The following ADGRG6 variants were observed in gnomAD, a reference collection of about 807,000 sequenced individuals.
ADGRG6 encodes G-protein coupled receptor 126.
In ADGRG6, 84 loss-of-function variants were observed where a neutral mutation model predicts 142.4. That is an observed-to-expected ratio of 0.59 (90% CI 0.49 to 0.71). The LOEUF is 0.71. ADGRG6 is among the 30% of genes least tolerant of loss of function. The probability of loss-of-function intolerance (pLI) is 0.00; values close to 1 mark genes in which losing one functional copy is unlikely to be tolerated. For missense variants in ADGRG6, 1,367 were observed against 1,466.6 expected, an observed-to-expected ratio of 0.93 and a Z score of 1.11; for synonymous variants, 521 against 520.5, an observed-to-expected ratio of 1.00 and a Z score of -0.01.
chr6:142,320,245 A>C (rs1211822090), intron 2 of ADGRG6, among the ~76,000 whole-genome samples: 1 of 152,076 alleles, frequency 6.6e-6, no homozygotes, highest in Non-Finnish European at 1.5e-5. Flanking sequence ...TAAAAGCAGA[A>C]AATATATTGT....
At chr6:142,403,683 A>C (rs1363397493) in intron 13 of ADGRG6, 119 bp from the exon 14 acceptor site, 1 of 632,090 alleles carries the variant, frequency 1.6e-6, no homozygotes, top group Non-Finnish European at 2.6e-6. Flanking sequence ...TCATGTTAAG[A>C]TCAGAAAATC....
At chr6:142,442,928 C>T (rs1269394929) in intron 24 of ADGRG6, among the ~76,000 whole-genome samples, 1 of 152,098 alleles carries the variant, frequency 6.6e-6, no homozygotes, top group African/African-American at 2.4e-5. Context: ...CCATTTTTCC[C>T]TTCCTATATT....
intron 2 of ADGRG6, among the ~76,000 whole-genome samples, chr6:142,325,906 G>A (rs949300547): frequency 1.3e-5 from 2 of 151,904 alleles, no homozygotes; most frequent in Non-Finnish European, 2.9e-5. Flanking sequence ...ATATAATTCA[G>A]TAGCAAATGC....
chr6:142,420,046 C>T lies in ADGRG6; in HGVS notation c.3261C>T (p.Ala1087=). ...TGACATGGGGTTTTGCATTCTTTGC[C>T]TGGGGACCCTTAAATATCCCCTTCA... The part of the protein sequence containing the change: ...LGMTWGFAFF[A]WGPLNIPFMY... The change falls in exon 22 of 25, where the codon GCC becomes GCT. Residue 1087 remains alanine (A), a synonymous_variant. Coordinates refer to ENST00000367609, the MANE Select transcript of ADGRG6 (RefSeq NM_198569.3). 5 of 1,613,222 alleles carry T rather than the reference C, an allele frequency of 3.1e-6. No homozygotes were observed. Among genetic ancestry groups the T allele is most frequent in the Non-Finnish European group, 4.2e-6 (5 of 1,179,338 alleles).
At chr6:142,331,378 A>G (rs1779055422) in intron 2 of ADGRG6, among the ~76,000 whole-genome samples, 3 of 152,016 alleles carry the variant, frequency 2.0e-5, no homozygotes. Context: ...CCTGCAGCCC[A>G]TGGGCTTTGT....
chr6:142,406,318 G>T (rs2115034280), intron 15 of ADGRG6, among the ~76,000 whole-genome samples: 1 of 152,082 alleles, frequency 6.6e-6, no homozygotes, highest in East Asian at 1.9e-4. Context: ...GAGTAAGATG[G>T]AATTGTGCTA....
rs1303297825 is a variant in ADGRG6, at chr6:142,367,589, C to T, written c.124C>T (p.Arg42Ter). Residue 42 changes from arginine (R) to a stop codon, truncating the protein, a stop_gained, in exon 3 of 25, where the codon CGA (arginine) becomes TGA (stop). Coordinates refer to ENST00000367609, the MANE Select transcript of ADGRG6 (RefSeq NM_198569.3). LOFTEE classifies it high-confidence loss of function. ...PHSVWGCANCRVVLSNPSGTF... is the reference protein window; with the variant it reads ...PHSVWGCANC Reference sequence around the variant, plus strand: ...AGCAGTGTGGGGATGTGCCAACTGCCGAGTGGTTTTGTCCAACCCTTCTGG... The same window carrying T: ...AGCAGTGTGGGGATGTGCCAACTGCTGAGTGGTTTTGTCCAACCCTTCTGG... 11 of 1,613,252 alleles carry T rather than the reference C, an allele frequency of 6.8e-6. No individual in the cohort carries two copies. Among genetic ancestry groups the T allele is most frequent in the South Asian group, 3.3e-5 (3 of 91,028 alleles).
intron 4 of ADGRG6, among the ~76,000 whole-genome samples, chr6:142,378,280 G>T (rs1195001498): frequency 2.0e-5 from 3 of 152,064 alleles, no homozygotes; most frequent in African/African-American, 2.4e-5. Flanking sequence ...ATCTCCCTTT[G>T]TCTTCCAGAG....
At chr6:142,325,839 G>A (rs1401414597) in intron 2 of ADGRG6, among the ~76,000 whole-genome samples, 2 of 151,892 alleles carry the variant, frequency 1.3e-5, no homozygotes, top group South Asian at 2.1e-4. Flanking sequence ...AGTCTCTGCT[G>A]TAATCATCCA....
chr6:142,407,170 T>TAAA (rs11414768), intron 15 of ADGRG6, among the ~76,000 whole-genome samples: 70 of 120,998 alleles, frequency 5.8e-4, no homozygotes, highest in East Asian at 1.7e-3. Context: ...CCCGTCTCTT[T>TAAA]AAAAAAAAAA....
intron 2 of ADGRG6, among the ~76,000 whole-genome samples, chr6:142,363,112 A>G (rs1446390777): frequency 6.6e-6 from 1 of 152,184 alleles, no homozygotes; most frequent in Non-Finnish European, 1.5e-5. Context: ...ATCAAGATTT[A>G]CTTAAATGAA....
At chr6:142,377,060 C>T (rs1781533329) in intron 4 of ADGRG6, among the ~76,000 whole-genome samples, 1 of 152,088 alleles carries the variant, frequency 6.6e-6, no homozygotes, top group African/African-American at 2.4e-5. Context: ...TCCTCAACTG[C>T]CTGTTTCCAG....
intron 2 of ADGRG6, among the ~76,000 whole-genome samples, chr6:142,342,345 G>C (rs942092763): frequency 6.6e-6 from 1 of 152,102 alleles, no homozygotes; most frequent in African/African-American, 2.4e-5. Context: ...TACTTAGGCT[G>C]TGCTGCAGTG....
intron 2 of ADGRG6, among the ~76,000 whole-genome samples, chr6:142,344,206 G>A (rs1382615008): frequency 6.6e-6 from 1 of 151,836 alleles, no homozygotes; most frequent in Non-Finnish European, 1.5e-5. Flanking sequence ...AAGTATTAGT[G>A]ATAAGAAAAA....
intron 4 of ADGRG6, among the ~76,000 whole-genome samples, chr6:142,380,794 T>G (rs1167674919): frequency 6.6e-6 from 1 of 152,188 alleles, no homozygotes; most frequent in Non-Finnish European, 1.5e-5. Flanking sequence ...TAATAGCACT[T>G]AGAACTGTGA....
chr6:142,422,616 A>G (rs1776717336), intron 22 of ADGRG6, among the ~76,000 whole-genome samples: 1 of 151,270 alleles, frequency 6.6e-6, no homozygotes, highest in South Asian at 2.1e-4. Context: ...ATAATGCCAC[A>G]ATAAACATAC....
At chr6:142,327,392 T>A (rs1778829301) in intron 2 of ADGRG6, among the ~76,000 whole-genome samples, 1 of 152,092 alleles carries the variant, frequency 6.6e-6, no homozygotes, top group Admixed American at 6.6e-5. Flanking sequence ...TATTAGGAAA[T>A]GTTTTGGAAC....
At chr6:142,408,009 C>G (rs1050398764) in intron 15 of ADGRG6, 141 bp from the exon 16 acceptor site, 53 of 517,158 alleles carry the variant, frequency 1.0e-4, no homozygotes, top group South Asian at 7.0e-4. Context: ...GGAAAGCCAG[C>G]AACTTGATGT....
chr6:142,344,448 C>G (rs1779801244), intron 2 of ADGRG6, among the ~76,000 whole-genome samples: 1 of 151,960 alleles, frequency 6.6e-6, no homozygotes, highest in African/African-American at 2.4e-5. Context: ...AAATATCTAG[C>G]CTTAAAGATT....
Sources: gnomAD v4.1 joint callset for allele counts (sites outside exome capture counted in the v4.1 genomes callset) on GRCh38, gnomAD v4.1.1 for gene constraint, MANE v1.5 for transcripts, NCBI Gene and HGNC (gene_info 2026-07-23, HGNC 2026-07-21) for gene names.